The following PAMR1 variants were observed in gnomAD, a reference collection of about 807,000 sequenced individuals.
PAMR1 encodes inactive serine protease PAMR1.
A neutral mutation model predicts 81.8 loss-of-function variants in PAMR1; 88 were observed. The ratio of observed to expected loss-of-function variants is 1.08; its 90% CI spans 0.91 to 1.28. The LOEUF (loss-of-function observed/expected upper bound fraction) is 1.28. Among genes scored for constraint, PAMR1 ranks in the 50% most tolerant of loss-of-function variants. The pLI is 0.00. For synonymous variants in PAMR1, 336 were observed against 345.3 expected (o/e 0.97, Z 0.30); for missense variants, 935 against 919.7 (o/e 1.02, Z -0.21).
In PAMR1 at chr11:35,441,480, C is replaced by A. The variant is rs139863360; in HGVS notation, c.1033+1G>T. ...AGACTTCAGAAACAATTGTAAGTTACCTTTTATGCAGATGGGCTGTTTCCC... is the reference window on the plus strand; with the variant it reads ...AGACTTCAGAAACAATTGTAAGTTAACTTTTATGCAGATGGGCTGTTTCCC... On this transcript the variant is annotated splice_donor_variant, in intron 7 of 10. Coordinates refer to ENST00000619888, the MANE Select transcript of PAMR1 (RefSeq NM_001001991.3). LOFTEE classifies it high-confidence loss of function. The A allele has an allele frequency of 7.3e-5, 118 of 1,607,202 alleles. No homozygotes were observed. The highest frequency in any genetic ancestry group is 1.5e-4 in the Admixed American group (9 of 59,972).
intron 3 of PAMR1, among the ~76,000 whole-genome samples, chr11:35,483,628 C>T (rs780198406): frequency 3.9e-5 from 6 of 152,142 alleles, no homozygotes; most frequent in Admixed American, 6.5e-5. Flanking sequence ...GAATCTCTTG[C>T]TCATCCTGGA....
At chr11:35,491,910 T>C (rs996827433) in intron 3 of PAMR1, 135 bp downstream of exon 3, 3 of 719,296 alleles carry the variant, frequency 4.2e-6, no homozygotes, top group South Asian at 2.5e-5. Context: ...TTTGTTTTTA[T>C]AGTTTTACCT....
intron 4 of PAMR1, among the ~76,000 whole-genome samples, chr11:35,471,460 GA>G (rs1284074712): frequency 6.6e-6 from 1 of 151,928 alleles, no homozygotes; most frequent in Admixed American, 6.6e-5. Flanking sequence ...GTTGGAGAAT[GA>G]AAAAAAGCTC....
chr11:35,460,957 C>T (rs907422119), intron 6 of PAMR1, among the ~76,000 whole-genome samples: 3 of 152,214 alleles, frequency 2.0e-5, no homozygotes, highest in African/African-American at 7.2e-5. Context: ...TATTTCTCCA[C>T]ATCCTCTCCA....
intron 6 of PAMR1, among the ~76,000 whole-genome samples, chr11:35,449,945 G>A (rs961842058): frequency 6.6e-6 from 1 of 151,828 alleles, no homozygotes; most frequent in African/African-American, 2.4e-5. Flanking sequence ...CTCAATGAGA[G>A]AACCTAGATA....
intron 5 of PAMR1, among the ~76,000 whole-genome samples, chr11:35,469,771 A>C (rs931633033): frequency 6.6e-6 from 1 of 152,102 alleles, no homozygotes; most frequent in Non-Finnish European, 1.5e-5. Flanking sequence ...CTTAATGATC[A>C]GAATACCATT....
In PAMR1 at chr11:35,434,455, G is replaced by A. The variant is rs534730951; in HGVS notation, c.1626+57C>T. The A allele has an allele frequency of 1.4e-4, 211 of 1,547,962 alleles. 1 individual carries two copies. Among genetic ancestry groups the A allele is most frequent in the Middle Eastern group, 3.5e-4 (2 of 5,682 alleles). On this transcript the variant is annotated intron_variant, in intron 10 of 10. Transcript: ENST00000619888. ...AGCTTGGTATAATCACTGCTCTCCCGTGCTTGGAGTTTTTTTGAGCCAGAG... is the reference window on the plus strand; with the variant it reads ...AGCTTGGTATAATCACTGCTCTCCCATGCTTGGAGTTTTTTTGAGCCAGAG...
At chr11:35,501,938 T>C (rs1850854309) in intron 1 of PAMR1, among the ~76,000 whole-genome samples, 1 of 152,182 alleles carries the variant, frequency 6.6e-6, no homozygotes, top group Non-Finnish European at 1.5e-5. Context: ...TTGGATATAT[T>C]CCCAGTAGCG....
intron 1 of PAMR1, among the ~76,000 whole-genome samples, chr11:35,505,864 G>C (rs1233842734): frequency 2.6e-5 from 4 of 151,912 alleles, no homozygotes; most frequent in Non-Finnish European, 4.4e-5. Flanking sequence ...AGTTGTTATT[G>C]ATAAGTAAGT....
intron 6 of PAMR1, among the ~76,000 whole-genome samples, chr11:35,448,565 C>T (rs1017238882): frequency 3.3e-5 from 5 of 152,136 alleles, no homozygotes; most frequent in African/African-American, 1.2e-4. Context: ...TTCTTAGCTT[C>T]TTTGCATTGG....
intron 1 of PAMR1, among the ~76,000 whole-genome samples, chr11:35,495,485 A>C (rs892432431): frequency 6.6e-6 from 1 of 152,206 alleles, no homozygotes; most frequent in Admixed American, 6.5e-5. Context: ...CAGGCTAAGA[A>C]ACAGACCTTC....
At chr11:35,474,260 A>G (rs1461154341) in intron 4 of PAMR1, among the ~76,000 whole-genome samples, 3 of 152,242 alleles carry the variant, frequency 2.0e-5, no homozygotes, top group African/African-American at 7.2e-5. Context: ...GCCCCAATCT[A>G]AAGTATAATT....
chr11:35,513,810 C>T (rs1327045029), intron 1 of PAMR1, among the ~76,000 whole-genome samples: 4 of 152,198 alleles, frequency 2.6e-5, no homozygotes, highest in Admixed American at 2.6e-4. Context: ...GACATCTTCC[C>T]TCAGAATCTC....
At position 35,441,665 on chromosome 11, in the gene PAMR1, A is replaced by G. The variant is rs757951569; in HGVS notation, c.849T>C (p.Pro283=). The G allele has an allele frequency of 3.1e-6, 5 of 1,613,668 alleles. No individual in the cohort carries two copies. In the South Asian group the frequency reaches 4.4e-5, roughly 14 times the overall value. The change falls in exon 7 of 11, where the codon CCT becomes CCC. Residue 283 remains proline, a synonymous_variant. Coordinates refer to ENST00000619888, the MANE Select transcript of PAMR1 (RefSeq NM_001001991.3). The stretch of plus-strand genomic sequence containing the variant: ...TCTGGTACCCATTGACTGGGCCCCC[A>G]GGGTCTGAGCAGTTTCTTTCTTCAA... ...NLLEERNCSD[P]GGPVNGYQKI...
intron 1 of PAMR1, among the ~76,000 whole-genome samples, chr11:35,515,933 A>T (rs1367671039): frequency 6.6e-6 from 1 of 152,200 alleles, no homozygotes; most frequent in African/African-American, 2.4e-5. Flanking sequence ...AAGTTTCGTC[A>T]AACTATAGAC....
chr11:35,462,877 G>T (rs149293595), intron 6 of PAMR1, among the ~76,000 whole-genome samples: 112 of 152,252 alleles, frequency 7.4e-4, no homozygotes, highest in African/African-American at 2.5e-3. Flanking sequence ...CTTCACCTTG[G>T]GGCGTACCAT....
At chr11:35,458,319 T>C (rs1250101391) in intron 6 of PAMR1, among the ~76,000 whole-genome samples, 7 of 152,236 alleles carry the variant, frequency 4.6e-5, no homozygotes, top group African/African-American at 7.2e-5. Flanking sequence ...TGCTCTATTT[T>C]TTTATTGTTC....
chr11:35,472,671 C>G (rs1016176736), intron 4 of PAMR1, among the ~76,000 whole-genome samples: 2 of 152,142 alleles, frequency 1.3e-5, no homozygotes, highest in Non-Finnish European at 2.9e-5. Context: ...GTAGAGCCAG[C>G]CTTGTGAAGG....
At chr11:35,493,440 C>G (rs1850665818) in intron 2 of PAMR1, among the ~76,000 whole-genome samples, 1 of 151,944 alleles carries the variant, frequency 6.6e-6, no homozygotes, top group Admixed American at 6.6e-5. Flanking sequence ...TCTCCTTCTC[C>G]CTCCCTCTCT....
Sources: gnomAD v4.1 joint callset for allele counts (sites outside exome capture counted in the v4.1 genomes callset) on GRCh38, gnomAD v4.1.1 for gene constraint, MANE v1.5 for transcripts, NCBI Gene and HGNC (gene_info 2026-07-23, HGNC 2026-07-21) for gene names.